PCSK1: variants seen among roughly 807,000 people sequenced by gnomAD.
The protein encoded by PCSK1 is neuroendocrine convertase 1.
Under a neutral mutation model 90.6 loss-of-function variants are expected in PCSK1, and 56 were observed. The ratio of observed to expected loss-of-function variants is 0.62; its 90% CI spans 0.50 to 0.77. The LOEUF (loss-of-function observed/expected upper bound fraction) is 0.77, where lower values mean the gene tolerates loss of function less well. PCSK1 is among the 30% of genes least tolerant of loss of function. The pLI is 0.00. For synonymous variants in PCSK1, 348 were observed against 342.4 expected, an observed-to-expected ratio of 1.02 and a Z score of -0.18; for missense variants, 801 against 932.6, an observed-to-expected ratio of 0.86 and a Z score of 1.84.
chr5:96,396,561 CAAAAA>C (rs368951852), intron 12 of PCSK1, among the ~76,000 whole-genome samples: 3 of 122,434 alleles, frequency 2.5e-5, no homozygotes, highest in Admixed American at 2.4e-4. Flanking sequence ...GACTCCGTCT[CAAAAA>C]AAAAAAAAAA....
At chr5:96,430,015 G>A (rs1022149689) in intron 1 of PCSK1, among the ~76,000 whole-genome samples, 4 of 152,210 alleles carry the variant, frequency 2.6e-5, no homozygotes, top group Non-Finnish European at 5.9e-5. Context: ...TCTATGGTCA[G>A]TGCCACTTTC....
At position 96,410,829 on chromosome 5, in the gene PCSK1, C is replaced by A; in HGVS notation, c.1040G>T (p.Cys347Phe). The change falls in exon 8 of 14, where the codon TGC becomes TTC. Residue 347 changes from cysteine (C) to phenylalanine (F), a missense_variant. Physicochemically the swap from Cys to Phe is radical, Grantham distance 205 (BLOSUM62 -2). Coordinates refer to ENST00000311106, the MANE Select transcript of PCSK1 (RefSeq NM_000439.5). ...GTAAGAGGTGGCCAGTGTGGAGGAG[C>A]ACTTCTCAGCGTACCAGGGGGATAG... ...QGLSPWYAEKCSSTLATSYSS... is the reference protein window; with the variant it reads ...QGLSPWYAEKFSSTLATSYSS... 6.2e-7 allele frequency: 1 copy of A among 1,614,108 alleles called. No individual in the cohort carries two copies. Among genetic ancestry groups the A allele is most frequent in the East Asian group, 2.2e-5 (1 of 44,876 alleles).
intron 9 of PCSK1, among the ~76,000 whole-genome samples, chr5:96,401,644 TG>T (rs749815632): frequency 5.3e-5 from 8 of 152,220 alleles, no homozygotes; most frequent in Non-Finnish European, 2.9e-5. Context: ...CTCTCCCACA[TG>T]GTCCCGAGCT....
intron 12 of PCSK1, among the ~76,000 whole-genome samples, chr5:96,395,564 T>C (rs1760108411): frequency 6.6e-6 from 1 of 152,164 alleles, no homozygotes; most frequent in Admixed American, 6.6e-5. Context: ...ACACTGAATG[T>C]TCTCACTCAT....
rs1371764895 is a variant in PCSK1 at position 96,392,960 on chromosome 5, A to C, written c.*41T>G. The C allele has an allele frequency of 1.9e-6, 3 of 1,607,382 alleles. No homozygotes were observed. In the South Asian group the frequency reaches 3.3e-5, roughly 18 times the overall value. ...ACACAGGCAAAATCGCAGGGTAAGG[A>C]AGAAGCATGAATATTTCCAACTTGG... On this transcript the variant is annotated 3_prime_UTR_variant, in exon 14 of 14. Coordinates refer to ENST00000311106, the MANE Select transcript of PCSK1 (RefSeq NM_000439.5).
chr5:96,408,269 A>G lies in PCSK1; in HGVS notation c.1150T>C (p.Ser384Pro). 6.2e-7 allele frequency: 1 copy of G among 1,614,166 alleles called. No individual in the cohort carries two copies. Among genetic ancestry groups the G allele is most frequent in the Non-Finnish European group, 8.5e-7 (1 of 1,180,012 alleles). ...AAGATGCCAGCAGCCAGAGGTGCAG[A>G]GGCCGAGGTGCCTGTGTGCGTCTCC... The part of the protein sequence containing the change: ...CTETHTGTSA[S>P]APLAAGIFAL... Residue 384 changes from serine (S) to proline (P), a missense_variant, in exon 9 of 14, where the codon TCT becomes CCT. Physicochemically the swap from Ser to Pro is moderately conservative, Grantham distance 74. Coordinates refer to ENST00000311106, the MANE Select transcript of PCSK1 (RefSeq NM_000439.5).
chr5:96,432,174 A>C, intron 1 of PCSK1: 1 of 1,525,278 alleles, frequency 6.6e-7, no homozygotes. Flanking sequence ...AAAGTTATGA[A>C]GCTTGGACTT....
At chr5:96,408,458 C>T (rs1760645981) in intron 8 of PCSK1, 135 bp from the exon 9 acceptor site, 2 of 699,850 alleles carry the variant, frequency 2.9e-6, no homozygotes, top group African/African-American at 1.7e-5. Flanking sequence ...CTACTTTCTC[C>T]TCTAAACCAC....
At chr5:96,411,087 A>G (rs1760739381) in intron 7 of PCSK1, 101 bp from the exon 8 acceptor site, 1 of 876,398 alleles carries the variant, frequency 1.1e-6, no homozygotes, top group Non-Finnish European at 2.0e-6. Flanking sequence ...AAATTCTCAG[A>G]GACAGCTATT....
At chr5:96,407,562 G>A (rs1760615137) in intron 9 of PCSK1, among the ~76,000 whole-genome samples, 1 of 152,178 alleles carries the variant, frequency 6.6e-6, no homozygotes, top group South Asian at 2.1e-4. Context: ...ATTAAAACAT[G>A]CTTGCCCTTT....
intron 2 of PCSK1, among the ~76,000 whole-genome samples, chr5:96,428,996 T>C (rs1761404041): frequency 6.6e-6 from 1 of 152,134 alleles, no homozygotes; most frequent in Non-Finnish European, 1.5e-5. Context: ...CGTATATATG[T>C]GTAAAATTAA....
rs145694705 is a variant in PCSK1, at chr5:96,400,147, G to A, written c.1236C>T (p.Val412=). The change falls in exon 10 of 14, where the codon GTC becomes GTT. Residue 412 remains valine (V), a synonymous_variant. Coordinates refer to ENST00000311106, the MANE Select transcript of PCSK1 (RefSeq NM_000439.5). ...LTWRDMQHLV[V]WTSEYDPLAN... ...CCAGCGGGTCATACTCAGAGGTCCA[G>A]ACAACCAGGTGCTGCATATCTCGCC... 6.2e-7 allele frequency: 1 copy of A among 1,614,048 alleles called. No individual in the cohort carries two copies. The highest frequency in any genetic ancestry group is 8.5e-7 in the Non-Finnish European group (1 of 1,180,006).
intron 1 of PCSK1, among the ~76,000 whole-genome samples, chr5:96,431,753 C>G (rs1047271251): frequency 2.0e-5 from 3 of 152,148 alleles, no homozygotes; most frequent in Non-Finnish European, 4.4e-5. Flanking sequence ...ATCGCCAACG[C>G]CCCCGCCGAT....
At chr5:96,409,939 C>A (rs1760697651) in intron 8 of PCSK1, among the ~76,000 whole-genome samples, 1 of 152,180 alleles carries the variant, frequency 6.6e-6, no homozygotes, top group African/African-American at 2.4e-5. Context: ...TAATAGGAAT[C>A]TTGCACGCAT....
At chr5:96,424,818 C>T (rs1219356982) in intron 3 of PCSK1, among the ~76,000 whole-genome samples, 1 of 151,854 alleles carries the variant, frequency 6.6e-6, no homozygotes, top group East Asian at 1.9e-4. Flanking sequence ...CAAAAATTAG[C>T]TGGGCATGGT....
intron 6 of PCSK1, among the ~76,000 whole-genome samples, chr5:96,414,190 G>A (rs1170552096): frequency 2.6e-5 from 4 of 151,598 alleles, no homozygotes; most frequent in Non-Finnish European, 5.9e-5. Context: ...TGGAATCTTG[G>A]GCAAGCCAGT....
In PCSK1 at chr5:96,427,687, G is replaced by C. The variant is rs1437711207; in HGVS notation, c.285+1526C>G. On this transcript the variant is annotated intron_variant, in intron 2 of 13. Transcript: ENST00000311106. Reference sequence around the variant, plus strand: ...ATACTTTGAGTAAGAATAACAGTTAGGTATGCTCTATTCTGTCCAATTTTC... The same window carrying C: ...ATACTTTGAGTAAGAATAACAGTTACGTATGCTCTATTCTGTCCAATTTTC... Among the ~76,000 whole-genome samples the C allele has an allele frequency of 2.0e-5, 3 of 152,250 alleles. No individual in the cohort carries two copies. The South Asian group carries it at 6.2e-4, about 32-fold the overall frequency.
chr5:96,420,405 C>A (rs1561373711), intron 5 of PCSK1, among the ~76,000 whole-genome samples: 1 of 152,192 alleles, frequency 6.6e-6, no homozygotes, highest in Non-Finnish European at 1.5e-5. Context: ...TCGAAACACT[C>A]CCACTTTGCT....
chr5:96,433,120 C>A lies in PCSK1; in HGVS notation c.-78G>T. The A allele has an allele frequency of 7.4e-7, 1 of 1,359,208 alleles. No homozygotes were observed. The highest frequency in any genetic ancestry group is 2.3e-5 in the East Asian group (1 of 43,622). The allele number at this position is 1,359,208 out of a possible 1,614,324, so 84.2% of individuals were successfully genotyped here. On this transcript the variant is annotated 5_prime_UTR_variant, in exon 1 of 14. Transcript: ENST00000311106. ...AGATAGGAGAAAAGCCAGACAGACT[C>A]CCCCTTCCCACCCTCGGGCTCTAGA...
Sources: allele counts gnomAD v4.1 joint callset (sites outside exome capture counted in the v4.1 genomes callset), GRCh38; gene constraint gnomAD v4.1.1; transcripts MANE v1.5; gene names NCBI Gene and HGNC (gene_info 2026-07-23, HGNC 2026-07-21).